HIP1: variants seen among roughly 807,000 people sequenced by gnomAD.
HIP1 encodes the protein huntingtin-interacting protein 1.
A neutral mutation model predicts 147.6 loss-of-function variants in HIP1; 65 were observed. The observed-to-expected ratio is 0.44, with a 90% CI of 0.36 to 0.54. The LOEUF (loss-of-function observed/expected upper bound fraction) is 0.54. HIP1 is among the 20% of genes least tolerant of loss of function. The pLI, the probability that HIP1 is intolerant of heterozygous loss-of-function variation, is 0.00. For missense variants in HIP1, 1,061 were observed against 1,299.6 expected (o/e 0.82, Z 2.82); for synonymous variants, 479 against 504.0 (o/e 0.95, Z 0.67).
chr7:75,542,540 A>T (rs1794367507), intron 28 of HIP1, among the ~76,000 whole-genome samples: 1 of 151,870 alleles, frequency 6.6e-6, no homozygotes, highest in Non-Finnish European at 1.5e-5. Flanking sequence ...CTCTACTAAA[A>T]ATACAAAAAT....
chr7:75,627,621 G>A (rs587600035), intron 1 of HIP1, among the ~76,000 whole-genome samples: 1 of 152,284 alleles, frequency 6.6e-6, no homozygotes, highest in East Asian at 1.9e-4. Context: ...GTAGGGCTGA[G>A]AGGGCCTTGT....
chr7:75,713,610 G>A (rs1015392099), intron 1 of HIP1, among the ~76,000 whole-genome samples: 2 of 152,128 alleles, frequency 1.3e-5, no homozygotes, highest in African/African-American at 2.4e-5. Flanking sequence ...CTCTGCATAT[G>A]TGGGTCTCTA....
At chr7:75,633,308 T>G (rs587659937) in intron 1 of HIP1, among the ~76,000 whole-genome samples, 7 of 152,292 alleles carry the variant, frequency 4.6e-5, no homozygotes, top group Admixed American at 2.0e-4. Flanking sequence ...TTTTTATTTT[T>G]TTGAGATGGT....
chr7:75,551,844 A>G (rs1794795629), intron 22 of HIP1, among the ~76,000 whole-genome samples: 1 of 152,056 alleles, frequency 6.6e-6, no homozygotes, highest in Non-Finnish European at 1.5e-5. Flanking sequence ...TCTTTTTATT[A>G]TCTTCTTCTG....
chr7:75,653,527 G>A (rs1377779994), intron 1 of HIP1, among the ~76,000 whole-genome samples: 2 of 151,944 alleles, frequency 1.3e-5, no homozygotes, highest in Admixed American at 6.6e-5. Context: ...GGTAGTGCAT[G>A]CCTGTAGTAC....
intron 7 of HIP1, among the ~76,000 whole-genome samples, chr7:75,577,740 C>T (rs1795896799): frequency 6.6e-6 from 1 of 152,184 alleles, no homozygotes; most frequent in African/African-American, 2.4e-5. Flanking sequence ...TGGCTCATGC[C>T]TATAATCCAA....
chr7:75,610,207 T>C (rs1554504607), intron 1 of HIP1, among the ~76,000 whole-genome samples: 1 of 145,920 alleles, frequency 6.9e-6, no homozygotes, highest in African/African-American at 2.7e-5. Context: ...CCAGCCCTTT[T>C]TTTTTTTTTT....
intron 29 of HIP1, among the ~76,000 whole-genome samples, chr7:75,539,805 T>C (rs1234607025): frequency 6.6e-6 from 1 of 152,252 alleles, no homozygotes; most frequent in Non-Finnish European, 1.5e-5. Flanking sequence ...TGTGATCTTC[T>C]ACTGGAAGTG....
In HIP1 at chr7:75,554,568, T is replaced by C. The variant is rs781980101; in HGVS notation, c.1964-42A>G. On this transcript the variant is annotated intron_variant, in intron 19 of 30. Transcript: ENST00000336926. ...AGGGCAAGGTCAGAGCAAGTTCTCATAGCTGGCTTCATCCTCGTTAATTAA... is the reference window on the plus strand; with the variant it reads ...AGGGCAAGGTCAGAGCAAGTTCTCACAGCTGGCTTCATCCTCGTTAATTAA... 3 of 1,466,462 alleles carry C rather than the reference T, an allele frequency of 2.0e-6. No homozygotes were observed. The East Asian group carries it at 6.8e-5, about 33-fold the overall frequency. 90.8% of individuals were successfully genotyped at this position (1,466,462 alleles called of 1,614,324 possible).
At chr7:75,678,505 G>A (rs10954232) in intron 1 of HIP1, among the ~76,000 whole-genome samples, 50,204 of 151,790 alleles carry the variant, frequency 0.33, 8,517 homozygotes, top group South Asian at 0.36. Flanking sequence ...CACCACACCC[G>A]GCTAATTTTT....
At chr7:75,666,330 C>A (rs144196178) in intron 1 of HIP1, among the ~76,000 whole-genome samples, 1,691 of 151,608 alleles carry the variant, frequency 0.011, 36 homozygotes, top group African/African-American at 0.039. Context: ...TCACCATGCC[C>A]GGCTAATTTT....
chr7:75,567,630 A>C (rs1554495805), intron 9 of HIP1, among the ~76,000 whole-genome samples: 1 of 150,922 alleles, frequency 6.6e-6, no homozygotes, highest in African/African-American at 2.5e-5. Context: ...GTGAAACCCT[A>C]TCTCTACTAA....
At chr7:75,570,832 C>T (rs1795601795) in intron 8 of HIP1, among the ~76,000 whole-genome samples, 1 of 151,658 alleles carries the variant, frequency 6.6e-6, no homozygotes, top group South Asian at 2.1e-4. Flanking sequence ...CAGGATGAAA[C>T]CCTGTCTCTA....
chr7:75,671,176 C>T (rs1281960788), intron 1 of HIP1, among the ~76,000 whole-genome samples: 5 of 152,082 alleles, frequency 3.3e-5, no homozygotes, highest in Non-Finnish European at 7.3e-5. Flanking sequence ...TCACTGCAAC[C>T]TCCCCCTCCC....
intron 1 of HIP1, among the ~76,000 whole-genome samples, chr7:75,616,652 G>T (rs1797680667): frequency 6.6e-6 from 1 of 151,916 alleles, no homozygotes; most frequent in East Asian, 1.9e-4. Context: ...AATAGTAGCA[G>T]CAGGAAGCCA....
intron 1 of HIP1, among the ~76,000 whole-genome samples, chr7:75,603,237 A>G (rs782630428): frequency 6.6e-5 from 10 of 151,382 alleles, no homozygotes; most frequent in Non-Finnish European, 1.3e-4. Flanking sequence ...AGTCCTAGCT[A>G]TTAGGGAGGT....
chr7:75,626,829 T>C (rs1554508059), intron 1 of HIP1: 2 of 152,198 alleles, frequency 1.3e-5, no homozygotes, highest in South Asian at 2.1e-4. Flanking sequence ...AAAATTTGGC[T>C]GTTTTTGACT....
At chr7:75,538,777 T>C (rs1480621258) in intron 30 of HIP1, among the ~76,000 whole-genome samples, 4 of 152,066 alleles carry the variant, frequency 2.6e-5, no homozygotes, top group African/African-American at 9.7e-5. Flanking sequence ...GGTTTCACCG[T>C]GTTAGCCAGG....
chr7:75,607,149 A>C (rs1489191151), intron 1 of HIP1, among the ~76,000 whole-genome samples: 2 of 151,422 alleles, frequency 1.3e-5, no homozygotes, highest in African/African-American at 4.9e-5. Flanking sequence ...TGGGAGGATT[A>C]CTTGAGGCCA....
Sources: gnomAD v4.1 joint callset for allele counts (sites outside exome capture counted in the v4.1 genomes callset) on GRCh38, gnomAD v4.1.1 for gene constraint, MANE v1.5 for transcripts, NCBI Gene and HGNC (gene_info 2026-07-23, HGNC 2026-07-21) for gene names.